Variants in KIAA1755 observed in about 807,000 individuals in gnomAD.
The protein encoded by KIAA1755 is uncharacterized protein KIAA1755.
In KIAA1755, 68 loss-of-function variants were observed where a neutral mutation model predicts 91.7. The ratio of observed to expected loss-of-function variants is 0.74; its 90% CI spans 0.61 to 0.91. KIAA1755 has a LOEUF of 0.91. Ranked by LOEUF, KIAA1755 falls within the 40% of genes least tolerant of loss-of-function variation. The pLI is 0.00. For synonymous variants in KIAA1755, 610 were observed against 604.6 expected, an observed-to-expected ratio of 1.01 and a Z score of -0.13; for missense variants, 1,535 against 1,494.4, an observed-to-expected ratio of 1.03 and a Z score of -0.45.
In KIAA1755 at chr20:38,218,235, G is replaced by C; in HGVS notation, c.2679+9C>G. 6.2e-7 allele frequency: 1 copy of C among 1,614,114 alleles called. No homozygotes were observed. The highest frequency in any genetic ancestry group is 1.1e-5 in the South Asian group (1 of 91,080). ...CTCCAGTCCTGCTCCTCTGTTGTCTGGAACGCACTGCAGCCTGGAGGAAGA... is the reference window on the plus strand; with the variant it reads ...CTCCAGTCCTGCTCCTCTGTTGTCTCGAACGCACTGCAGCCTGGAGGAAGA... On this transcript the variant is annotated intron_variant, in intron 12 of 13. Transcript: ENST00000279024.
At position 38,218,231 on chromosome 20, in the gene KIAA1755, G is replaced by A. The variant is rs1297884915; in HGVS notation, c.2679+13C>T. 1 of 1,613,982 alleles carries A rather than the reference G, an allele frequency of 6.2e-7. No individual in the cohort carries two copies. Among genetic ancestry groups the A allele is most frequent in the Non-Finnish European group, 8.5e-7 (1 of 1,180,040 alleles). ...TCTGCTCCAGTCCTGCTCCTCTGTT[G>A]TCTGGAACGCACTGCAGCCTGGAGG... On this transcript the variant is annotated intron_variant, in intron 12 of 13. Transcript: ENST00000279024.
Position 38,213,248 on chromosome 20 carries a change from C to A in KIAA1755, c.3397G>T (p.Ala1133Ser), listed in dbSNP as rs1234320271. The change falls in exon 14 of 14, where the codon GCT (alanine) becomes TCT (serine). Residue 1133 changes from alanine (A) to serine (S), a missense_variant. Coordinates refer to ENST00000279024, the MANE Select transcript of KIAA1755 (RefSeq NM_001029864.2). The part of the protein sequence containing the change: ...AGSPPQEAGQ[A>S]AEAEDGKGSH... ...CCTTTGCCGTCTTCAGCCTCTGCAG[C>A]CTGGCCAGCTTCCTGGGGTGGAGAG... 1.2e-6 allele frequency: 2 copies of A among 1,613,328 alleles called. No homozygotes were observed. Among genetic ancestry groups the A allele is most frequent in the African/African-American group, 2.7e-5 (2 of 74,938 alleles).
intron 1 of KIAA1755, among the ~76,000 whole-genome samples, chr20:38,248,943 C>T (rs1428268434): frequency 2.6e-5 from 4 of 151,970 alleles, no homozygotes; most frequent in African/African-American, 7.3e-5. Context: ...GGTGCTATCT[C>T]GGCTCACTGC....
In KIAA1755 at chr20:38,260,538, T is replaced by A. The variant is rs1171224030; in HGVS notation, c.-38A>T. 7 of 1,480,616 alleles carry A rather than the reference T, an allele frequency of 4.7e-6. No individual in the cohort carries two copies. The highest frequency in any genetic ancestry group is 6.3e-6 in the Non-Finnish European group (7 of 1,119,158). The allele number at this position is 1,480,616 out of a possible 1,614,324, so 91.7% of individuals were successfully genotyped here. On this transcript the variant is annotated 5_prime_UTR_variant, in exon 1 of 14. Coordinates refer to ENST00000279024, the MANE Select transcript of KIAA1755 (RefSeq NM_001029864.2). ...CCAGCGGCGGGCGGCGCGGCTCCTCTCCTGGGCGCGGGGTCTGTGGGTCCG... is the reference window on the plus strand; with the variant it reads ...CCAGCGGCGGGCGGCGCGGCTCCTCACCTGGGCGCGGGGTCTGTGGGTCCG...
At chr20:38,233,555 C>G (rs1161462016) in intron 4 of KIAA1755, 1 of 152,050 alleles carries the variant, frequency 6.6e-6, no homozygotes. Context: ...CTTCCCAGTC[C>G]CCCATGGGCT....
At chr20:38,243,712 C>T (rs6014428) in intron 2 of KIAA1755, among the ~76,000 whole-genome samples, 8,088 of 152,276 alleles carry the variant, frequency 0.053, 322 homozygotes, top group African/African-American at 0.11. Flanking sequence ...CACCAGACTT[C>T]ATGTGAAGGT....
In KIAA1755 at chr20:38,241,403, C is replaced by T; in HGVS notation, c.728G>A (p.Ser243Asn). The stretch of plus-strand genomic sequence containing the variant: ...CACCTTGATGAGTCCTGGATACTTG[C>T]TCCCATATGTCCTGCCCTTACCCTT... Reference protein sequence around the residue: ...LAKGKGRTYGSKYPGLIKVEQ... With the variant: ...LAKGKGRTYGNKYPGLIKVEQ... The change falls in exon 3 of 14, where the codon AGC (serine) becomes AAC (asparagine). Residue 243 changes from serine to asparagine, a missense_variant. Ser to Asn is a conservative substitution (Grantham distance 46). Coordinates refer to ENST00000279024, the MANE Select transcript of KIAA1755 (RefSeq NM_001029864.2). 1 of 1,614,228 alleles carries T rather than the reference C, an allele frequency of 6.2e-7. No individual in the cohort carries two copies. Among genetic ancestry groups the T allele is most frequent in the East Asian group, 2.2e-5 (1 of 44,888 alleles).
Position 38,217,300 on chromosome 20 carries a change from G to C in KIAA1755, c.2854C>G (p.Arg952Gly), listed in dbSNP as rs199971628. ...THFYMAAERQ[R>G]TDLETLLHLH... is the part of the protein sequence containing the mutation. ...TGGAGCAGCGTCTCGAGGTCCGTGC[G>C]TTGCCGCTCGGCCGCCATGTAAAAG... The change falls in exon 13 of 14, where the codon CGC becomes GGC. Residue 952 changes from arginine to glycine, a missense_variant. By Grantham distance (125) the Arg-to-Gly change is moderately radical. Coordinates refer to ENST00000279024, the MANE Select transcript of KIAA1755 (RefSeq NM_001029864.2). The C allele has an allele frequency of 1.5e-5, 24 of 1,608,436 alleles. No homozygotes were observed. The highest frequency in any genetic ancestry group is 2.0e-5 in the Non-Finnish European group (23 of 1,178,088).
chr20:38,224,919 T>C (rs902520566), intron 8 of KIAA1755, among the ~76,000 whole-genome samples: 9 of 152,166 alleles, frequency 5.9e-5, no homozygotes, highest in African/African-American at 2.2e-4. Context: ...CTCCCTCTTA[T>C]AGGAGGGAAC....
intron 6 of KIAA1755, among the ~76,000 whole-genome samples, chr20:38,227,790 T>C (rs1337727851): frequency 1.3e-5 from 2 of 152,220 alleles, no homozygotes; most frequent in Non-Finnish European, 2.9e-5. Flanking sequence ...CCATGTGAAG[T>C]CAGAGCTGCT....
In KIAA1755 at chr20:38,217,305, C is replaced by T. The variant is rs367812234; in HGVS notation, c.2849G>A (p.Arg950Gln). The T allele has an allele frequency of 2.8e-5, 45 of 1,608,890 alleles. No homozygotes were observed. The South Asian group carries it at 3.0e-4, about 11-fold the overall frequency. The change falls in exon 13 of 14, where the codon CGG becomes CAG. Residue 950 changes from arginine (R) to glutamine (Q), a missense_variant. Physicochemically the swap from Arg to Gln is conservative, Grantham distance 43 (BLOSUM62 1). Coordinates refer to ENST00000279024, the MANE Select transcript of KIAA1755 (RefSeq NM_001029864.2). ...ELTHFYMAAE[R>Q]QRTDLETLLH... is the part of the protein sequence containing the mutation. ...CAGCGTCTCGAGGTCCGTGCGTTGC[C>T]GCTCGGCCGCCATGTAAAAGTGGGT... is the stretch of plus-strand genomic sequence containing the variant.
intron 2 of KIAA1755, among the ~76,000 whole-genome samples, chr20:38,244,917 G>A (rs1470165673): frequency 2.6e-5 from 4 of 151,962 alleles, no homozygotes; most frequent in African/African-American, 2.4e-5. Context: ...TAGTAGAGAC[G>A]GGGTTTCACC....
chr20:38,229,254 T>G (rs2075818916), intron 5 of KIAA1755, among the ~76,000 whole-genome samples: 1 of 152,254 alleles, frequency 6.6e-6, no homozygotes, highest in Non-Finnish European at 1.5e-5. Flanking sequence ...TGAGTCAATT[T>G]AATAATGATA....
Position 38,222,718 on chromosome 20 carries a change from T to A in KIAA1755, c.2269-121A>T, listed in dbSNP as rs775640572. On this transcript the variant is annotated intron_variant, in intron 9 of 13. Coordinates refer to ENST00000279024, the MANE Select transcript of KIAA1755 (RefSeq NM_001029864.2). Reference sequence around the variant, plus strand: ...TTGGCATTCAAGGTCCTCCAGAAAGTCTGTCATTTCTGTCTCTAAAACATC... The same window carrying A: ...TTGGCATTCAAGGTCCTCCAGAAAGACTGTCATTTCTGTCTCTAAAACATC... 4 of 1,017,000 alleles carry A rather than the reference T, an allele frequency of 3.9e-6. No homozygotes were observed. The African/African-American group carries it at 6.4e-5, about 16-fold the overall frequency. 63.0% of individuals were successfully genotyped at this position (1,017,000 alleles called of 1,614,324 possible).
At chr20:38,215,024 T>G (rs538294898) in intron 13 of KIAA1755, among the ~76,000 whole-genome samples, 13 of 152,288 alleles carry the variant, frequency 8.5e-5, no homozygotes, top group Middle Eastern at 3.4e-3. Context: ...ACCATTGTGT[T>G]ATTATTATTT....
Position 38,218,240 on chromosome 20 carries a change from G to A in KIAA1755, c.2679+4C>T, listed in dbSNP as rs774705135. 17 of 1,613,988 alleles carry A rather than the reference G, an allele frequency of 1.1e-5. No homozygotes were observed. The highest frequency in any genetic ancestry group is 8.9e-5 in the East Asian group (4 of 44,890). ...GTCCTGCTCCTCTGTTGTCTGGAAC[G>A]CACTGCAGCCTGGAGGAAGAAGTTC... On this transcript the variant is annotated splice_donor_region_variant and intron_variant, in intron 12 of 13. Transcript: ENST00000279024.
chr20:38,246,720 C>T (rs1212353717), intron 1 of KIAA1755, among the ~76,000 whole-genome samples: 2 of 152,178 alleles, frequency 1.3e-5, no homozygotes, highest in African/African-American at 4.8e-5. Flanking sequence ...CAGCTGCCTC[C>T]CATGGACCTC....
chr20:38,220,717 C>T (rs957584951), intron 10 of KIAA1755, among the ~76,000 whole-genome samples: 3 of 152,152 alleles, frequency 2.0e-5, no homozygotes, highest in Non-Finnish European at 2.9e-5. Flanking sequence ...GCCCAGCGCA[C>T]GATGTTTGTC....
At chr20:38,244,791 C>T (rs2076125734) in intron 2 of KIAA1755, among the ~76,000 whole-genome samples, 1 of 152,168 alleles carries the variant, frequency 6.6e-6, no homozygotes, top group South Asian at 2.1e-4. Context: ...TCACTGCAAC[C>T]TCTGCCTCCT....
Sources: allele counts gnomAD v4.1 joint callset (sites outside exome capture counted in the v4.1 genomes callset), GRCh38; gene constraint gnomAD v4.1.1; transcripts MANE v1.5; gene names NCBI Gene and HGNC (gene_info 2026-07-23, HGNC 2026-07-21).